The following ELP4 variants were observed in gnomAD, a reference collection of about 807,000 sequenced individuals.
The protein encoded by ELP4 is elongator complex protein 4.
Under a neutral mutation model 48.9 loss-of-function variants are expected in ELP4, and 51 were observed. The ratio of observed to expected loss-of-function variants is 1.04; its 90% CI spans 0.83 to 1.32. The LOEUF is 1.32. Among genes scored for constraint, ELP4 ranks in the 40% most tolerant of loss-of-function variants. ELP4 has a pLI of 0.00. For missense variants in ELP4, 519 were observed against 514.6 expected, an observed-to-expected ratio of 1.01 and a Z score of -0.08; for synonymous variants, 210 against 189.2, an observed-to-expected ratio of 1.11 and a Z score of -0.90.
intron 9 of ELP4, among the ~76,000 whole-genome samples, chr11:31,726,317 T>TA (rs1947074859): frequency 6.6e-6 from 1 of 152,096 alleles, no homozygotes; most frequent in Non-Finnish European, 1.5e-5. Flanking sequence ...AGTTCACTGT[T>TA]AGACAAGGTA....
chr11:31,774,486 G>A (rs1458595465), intron 9 of ELP4, among the ~76,000 whole-genome samples: 3 of 152,212 alleles, frequency 2.0e-5, no homozygotes, highest in Admixed American at 2.0e-4. Context: ...CTTGTGGGCT[G>A]CAGGTAGTCC....
At chr11:31,614,546 A>G (rs1958040382) in intron 5 of ELP4, among the ~76,000 whole-genome samples, 2 of 152,238 alleles carry the variant, frequency 1.3e-5, no homozygotes, top group Admixed American at 6.5e-5. Context: ...GATAACTTAC[A>G]TAGCCAGAAA....
At chr11:31,540,180 A>G (rs2133907136) in intron 3 of ELP4, among the ~76,000 whole-genome samples, 1 of 152,350 alleles carries the variant, frequency 6.6e-6, no homozygotes, top group East Asian at 1.9e-4. Flanking sequence ...CATTTTGACT[A>G]CTATGGCAAA....
chr11:31,623,214 G>A (rs1269081930), intron 5 of ELP4, among the ~76,000 whole-genome samples: 2 of 150,152 alleles, frequency 1.3e-5, no homozygotes, highest in South Asian at 4.2e-4. Context: ...ATTTTTAACT[G>A]GGTTTACTTC....
intron 9 of ELP4, among the ~76,000 whole-genome samples, chr11:31,736,910 G>A (rs1447766465): frequency 2.6e-5 from 4 of 152,156 alleles, no homozygotes; most frequent in Non-Finnish European, 5.9e-5. Context: ...TCAGTGTGGC[G>A]ATTCCTTAGG....
intron 9 of ELP4, among the ~76,000 whole-genome samples, chr11:31,758,126 CAAT>C (rs1222322173): frequency 6.6e-6 from 1 of 152,144 alleles, no homozygotes. Flanking sequence ...TCAAGTCAAA[CAAT>C]GATTAATAAT....
At chr11:31,533,273 A>G in intron 2 of ELP4, among the ~76,000 whole-genome samples, 1 of 151,728 alleles carries the variant, frequency 6.6e-6, no homozygotes, top group Admixed American at 6.6e-5. Flanking sequence ...ATTTATAAGT[A>G]AAAACGTGTG....
At chr11:31,649,838 G>A in intron 8 of ELP4, 3 of 269,860 alleles carry the variant, frequency 1.1e-5, no homozygotes, top group Non-Finnish European at 2.1e-5. Context: ...CAAACCGGCT[G>A]TAGTTTTGAC....
At position 31,769,781 on chromosome 11, in the gene ELP4, T is replaced by C. The variant is rs1948101135; in HGVS notation, c.1144-13612T>C. Among the ~76,000 whole-genome samples the C allele has an allele frequency of 2.0e-5, 3 of 152,138 alleles. No individual in the cohort carries two copies. The South Asian group carries it at 6.2e-4, about 32-fold the overall frequency. On this transcript the variant is annotated intron_variant, in intron 9 of 9. Coordinates refer to ENST00000640961, the MANE Select transcript of ELP4 (RefSeq NM_019040.5). ...CACTTCTAGAGTAGTTTCCATATAA[T>C]ATACTTTTAAAAAAAAACGAGGATA... is the stretch of plus-strand genomic sequence containing the variant.
chr11:31,514,319 C>T (rs961665247), intron 1 of ELP4, among the ~76,000 whole-genome samples: 1 of 152,084 alleles, frequency 6.6e-6, no homozygotes, highest in Non-Finnish European at 1.5e-5. Flanking sequence ...ATCACCCAAG[C>T]TTGGTGGTGC....
chr11:31,761,662 A>T (rs916779382), intron 9 of ELP4, among the ~76,000 whole-genome samples: 2 of 152,244 alleles, frequency 1.3e-5, no homozygotes, highest in African/African-American at 4.8e-5. Flanking sequence ...TGAAATGAGA[A>T]CATAAGTTCA....
intron 5 of ELP4, among the ~76,000 whole-genome samples, chr11:31,626,008 A>G (rs1438756469): frequency 6.6e-6 from 1 of 151,858 alleles, no homozygotes; most frequent in Non-Finnish European, 1.5e-5. Flanking sequence ...TTTGTTTTGT[A>G]CACAACAGCA....
At position 31,662,907 on chromosome 11, in the gene ELP4, T is replaced by G. The variant is rs189585093; in HGVS notation, c.1143+12686T>G. 38 of 211,670 alleles carry G rather than the reference T, an allele frequency of 1.8e-4. No individual in the cohort carries two copies. The Admixed American group carries it at 2.1e-3, about 11-fold the overall frequency. The allele number at this position is 211,670 out of a possible 1,614,324, so 13.1% of individuals were successfully genotyped here. A position where few individuals can be genotyped will look rare whatever the true frequency, so the allele number is the denominator to read the frequency against. On this transcript the variant is annotated intron_variant, in intron 9 of 9. Transcript: ENST00000640961. ...GCCAGCTTCTCATTGTGTGCACATA[T>G]TTTCTCATCCAGCCTCTCTGTAATC...
intron 9 of ELP4, chr11:31,779,991 A>G (rs1422106595): frequency 6.6e-6 from 1 of 152,244 alleles, no homozygotes; most frequent in East Asian, 1.9e-4. Context: ...AACCCCAGGT[A>G]TAAAATGAGA....
At chr11:31,626,452 G>A (rs1053517823) in intron 5 of ELP4, among the ~76,000 whole-genome samples, 31 of 151,746 alleles carry the variant, frequency 2.0e-4, no homozygotes, top group Non-Finnish European at 5.9e-5. Flanking sequence ...CATGCTTACT[G>A]AAGATTCTTT....
intron 7 of ELP4, among the ~76,000 whole-genome samples, chr11:31,643,637 CTT>C (rs1023137345): frequency 4.1e-4 from 62 of 151,874 alleles, no homozygotes; most frequent in African/African-American, 1.5e-3. Context: ...ATTTTTATCT[CTT>C]AACAAAATTC....
chr11:31,766,081 CTTTAA>C (rs1255055989), intron 9 of ELP4, among the ~76,000 whole-genome samples: 3 of 151,784 alleles, frequency 2.0e-5, no homozygotes, highest in South Asian at 2.1e-4. Flanking sequence ...TTTTTAAAGT[CTTTAA>C]TTTAGAAAAA....
chr11:31,774,572 G>A (rs1015021475), intron 9 of ELP4, among the ~76,000 whole-genome samples: 6 of 152,150 alleles, frequency 3.9e-5, no homozygotes, highest in Non-Finnish European at 8.8e-5. Flanking sequence ...TGCTTAAAGT[G>A]GCAAGAAGCT....
chr11:31,758,035 T>G (rs774323143), intron 9 of ELP4, among the ~76,000 whole-genome samples: 1 of 152,196 alleles, frequency 6.6e-6, no homozygotes, highest in Non-Finnish European at 1.5e-5. Context: ...TCCTCCCTGA[T>G]CATTATAATT....
Sources: allele counts gnomAD v4.1 joint callset (sites outside exome capture counted in the v4.1 genomes callset), GRCh38; gene constraint gnomAD v4.1.1; transcripts MANE v1.5; gene names NCBI Gene and HGNC (gene_info 2026-07-23, HGNC 2026-07-21).